The following NME7 variants were observed in gnomAD, a reference collection of about 807,000 sequenced individuals.
The protein encoded by NME7 is NME/NM23 family member 7, also known as nucleoside diphosphate kinase 7.
A neutral mutation model predicts 49.1 loss-of-function variants in NME7; 41 were observed. The ratio of observed to expected loss-of-function variants is 0.83; its 90% confidence interval spans 0.65 to 1.08. The LOEUF (loss-of-function observed/expected upper bound fraction) is 1.08, where lower values mean the gene tolerates loss of function less well. Ranked by LOEUF, NME7 falls within the 50% of genes least tolerant of loss-of-function variation. The pLI is 0.00. For synonymous variants in NME7, 139 were observed against 150.6 expected, an observed-to-expected ratio of 0.92 and a Z score of 0.56; for missense variants, 423 against 463.4, an observed-to-expected ratio of 0.91 and a Z score of 0.80.
intron 10 of NME7, among the ~76,000 whole-genome samples, chr1:169,201,344 G>A (rs1018831): frequency 0.61 from 93,221 of 151,972 alleles, 28,937 homozygotes; most frequent in East Asian, 0.93. Flanking sequence ...GAGACATTGG[G>A]AGCCACAGAA....
intron 1 of NME7, among the ~76,000 whole-genome samples, chr1:169,343,107 C>T (rs995893847): frequency 1.3e-4 from 19 of 150,122 alleles, no homozygotes; most frequent in Admixed American, 8.7e-4. Flanking sequence ...CAGTTCCACA[C>T]GATTTTTTGT....
chr1:169,227,866 C>T (rs1647408727), intron 10 of NME7, among the ~76,000 whole-genome samples: 1 of 152,102 alleles, frequency 6.6e-6, no homozygotes, highest in Admixed American at 6.5e-5. Flanking sequence ...TTCTGGGTTC[C>T]TAGAGTACCC....
chr1:169,253,235 C>T (rs1319516469), intron 7 of NME7, among the ~76,000 whole-genome samples: 1 of 147,188 alleles, frequency 6.8e-6, no homozygotes, highest in African/African-American at 2.5e-5. Flanking sequence ...TCTTTTATTT[C>T]CTTGAGCAGT....
At chr1:169,335,870 G>T (rs1265615526) in intron 1 of NME7, among the ~76,000 whole-genome samples, 1 of 151,200 alleles carries the variant, frequency 6.6e-6, no homozygotes, top group Non-Finnish European at 1.5e-5. Flanking sequence ...TTCCAGTAAG[G>T]GTGAGTGAAA....
intron 11 of NME7, among the ~76,000 whole-genome samples, chr1:169,140,641 C>T (rs902437896): frequency 6.6e-6 from 1 of 151,194 alleles, no homozygotes; most frequent in African/African-American, 2.4e-5. Flanking sequence ...AGGGGAAAAA[C>T]TCAGGTGACC....
chr1:169,203,934 G>A (rs1186338339), intron 10 of NME7, among the ~76,000 whole-genome samples: 3 of 152,140 alleles, frequency 2.0e-5, no homozygotes, highest in African/African-American at 7.2e-5. Context: ...AAAGCTCAGT[G>A]CAGCCTTGAC....
intron 3 of NME7, among the ~76,000 whole-genome samples, chr1:169,312,787 C>T (rs1204399799): frequency 6.6e-6 from 1 of 152,130 alleles, no homozygotes; most frequent in Non-Finnish European, 1.5e-5. Context: ...TAGTACAGTG[C>T]TATTAAACAT....
At chr1:169,319,043 T>C (rs957312183) in intron 3 of NME7, among the ~76,000 whole-genome samples, 4 of 151,456 alleles carry the variant, frequency 2.6e-5, no homozygotes, top group Non-Finnish European at 4.4e-5. Context: ...ATTTTAATTT[T>C]AATTTTAATT....
chr1:169,255,192 G>A (rs1202368266), intron 7 of NME7, among the ~76,000 whole-genome samples: 1 of 136,274 alleles, frequency 7.3e-6, no homozygotes, highest in Non-Finnish European at 1.7e-5. Context: ...TTATTGTGTG[G>A]GAGTCTAAGT....
intron 7 of NME7, among the ~76,000 whole-genome samples, chr1:169,262,722 C>T (rs1162065080): frequency 1.5e-5 from 2 of 133,782 alleles, no homozygotes; most frequent in Non-Finnish European, 3.5e-5. Context: ...CTCACCCTTA[C>T]CACATGGACC....
chr1:169,209,787 C>T (rs532119910), intron 10 of NME7, among the ~76,000 whole-genome samples: 2 of 152,210 alleles, frequency 1.3e-5, no homozygotes, highest in Non-Finnish European at 1.5e-5. Context: ...CTACTTTCCT[C>T]TTTGCATTGT....
At chr1:169,299,271 TAAAA>T (rs3835448) in intron 5 of NME7, among the ~76,000 whole-genome samples, 2 of 148,298 alleles carry the variant, frequency 1.3e-5, no homozygotes, top group Non-Finnish European at 3.0e-5. Context: ...GGTTTGGTGA[TAAAA>T]AAAAAAATCC....
At chr1:169,226,357 G>C (rs768577458) in intron 10 of NME7, among the ~76,000 whole-genome samples, 79 of 152,144 alleles carry the variant, frequency 5.2e-4, no homozygotes, top group Admixed American at 2.0e-3. Context: ...GCACCTAGCA[G>C]TTACTGGCAT....
chr1:169,227,383 C>T (rs1274505718), intron 10 of NME7, among the ~76,000 whole-genome samples: 2 of 152,102 alleles, frequency 1.3e-5, no homozygotes, highest in Non-Finnish European at 2.9e-5. Flanking sequence ...GCCATGTCTC[C>T]CCTGACATTT....
intron 11 of NME7, among the ~76,000 whole-genome samples, chr1:169,162,008 C>T (rs1557967981): frequency 6.6e-6 from 1 of 152,118 alleles, no homozygotes; most frequent in Admixed American, 6.6e-5. Flanking sequence ...CTCACCTTGA[C>T]CCTGACTTAT....
At chr1:169,180,996 A>G (rs1321331573) in intron 10 of NME7, among the ~76,000 whole-genome samples, 1 of 152,110 alleles carries the variant, frequency 6.6e-6, no homozygotes, top group Non-Finnish European at 1.5e-5. Context: ...AACATTCTAC[A>G]TTAAGGGCTG....
intron 7 of NME7, among the ~76,000 whole-genome samples, chr1:169,251,873 C>A: frequency 6.6e-6 from 1 of 151,702 alleles, no homozygotes; most frequent in Non-Finnish European, 1.5e-5. Flanking sequence ...ATCCATGTCC[C>A]TACAAAGGAC....
intron 1 of NME7, among the ~76,000 whole-genome samples, chr1:169,350,870 G>T (rs1472290781): frequency 6.6e-6 from 1 of 152,054 alleles, no homozygotes; most frequent in Non-Finnish European, 1.5e-5. Flanking sequence ...ATCACACTGA[G>T]GTAGAAGACA....
intron 7 of NME7, among the ~76,000 whole-genome samples, chr1:169,265,370 T>C (rs933374090): frequency 7.5e-6 from 1 of 133,670 alleles, no homozygotes; most frequent in African/African-American, 2.5e-5. Context: ...AACAACCTGC[T>C]CCTGAATGAC....
Sources: gnomAD v4.1 joint callset for allele counts (sites outside exome capture counted in the v4.1 genomes callset) on GRCh38, gnomAD v4.1.1 for gene constraint, MANE v1.5 for transcripts, NCBI Gene and HGNC (gene_info 2026-07-23, HGNC 2026-07-21) for gene names.